The following GRAMD4 variants were observed in gnomAD, a reference collection of about 807,000 sequenced individuals.
GRAMD4 encodes the protein GRAM domain-containing protein 4.
In GRAMD4, 25 loss-of-function variants were observed where a neutral mutation model predicts 83.9. That is an observed-to-expected ratio of 0.30 (90% CI 0.22 to 0.42). The LOEUF (loss-of-function observed/expected upper bound fraction) is 0.42, where lower values mean the gene tolerates loss of function less well. Among genes scored for constraint, GRAMD4 ranks in the 10% least tolerant of loss-of-function variants. The pLI, the probability that GRAMD4 is intolerant of heterozygous loss-of-function variation, is 1.00. For missense variants in GRAMD4, 593 were observed against 788.7 expected, an observed-to-expected ratio of 0.75 and a Z score of 2.97; for synonymous variants, 336 against 320.9, an observed-to-expected ratio of 1.05 and a Z score of -0.50.
At chr22:46,664,680 CG>C (rs1368781798) in intron 8 of GRAMD4, among the ~76,000 whole-genome samples, 3 of 152,204 alleles carry the variant, frequency 2.0e-5, no homozygotes, top group Non-Finnish European at 2.9e-5. Flanking sequence ...ACTTGGTCCT[CG>C]GGGGGAGCCC....
At chr22:46,605,956 CTGGTGCTGAGCATCTCTGCATGGGCT>C (rs2081362206) in intron 1 of GRAMD4, among the ~76,000 whole-genome samples, 2 of 126,330 alleles carry the variant, frequency 1.6e-5, no homozygotes. Flanking sequence ...GGGCTTATGG[CTGGTGCTGAGCATCTCTGCATGGGCT>C]TATGGCTGGT....
At position 46,620,726 on chromosome 22, in the gene GRAMD4, C is replaced by T. The variant is rs140408073; in HGVS notation, c.-50+161C>T. ...TGAAAGGCAGGCTCCCTCCCAAGGCCGGGTGCAGGCCAGACCCCACCGGTA... is the reference window on the plus strand; with the variant it reads ...TGAAAGGCAGGCTCCCTCCCAAGGCTGGGTGCAGGCCAGACCCCACCGGTA... On this transcript the variant is annotated intron_variant, in intron 1 of 18. Coordinates refer to ENST00000406902, the MANE Select transcript of GRAMD4 (RefSeq NM_015124.5). This position sits in a 1 kb window ranked among gnomAD's most constrained non-coding sequence, Gnocchi z 4.7. 1.1e-4 allele frequency among the ~76,000 whole-genome samples: 17 copies of T among 152,128 alleles called. 1 individual carries two copies. In the East Asian group the frequency reaches 2.1e-3, roughly 19 times the overall value.
intron 16 of GRAMD4, 50 bp from the exon 17 acceptor site, chr22:46,675,418 C>T (rs752972394): frequency 4.7e-6 from 6 of 1,284,672 alleles, no homozygotes; most frequent in East Asian, 2.3e-5. Flanking sequence ...CTGGTGGGAG[C>T]GTGCTCTGGT....
rs542906561 is a variant in GRAMD4 at position 46,622,732 on chromosome 22, C to G, written c.-50+2167C>G. Among the ~76,000 whole-genome samples the G allele has an allele frequency of 6.6e-6, 1 of 151,910 alleles. No homozygotes were observed. Among genetic ancestry groups the G allele is most frequent in the African/African-American group, 2.4e-5 (1 of 41,378 alleles). ...ATTGAGACCATCCTGGCTAACATGG[C>G]GAAACTCCGTCTCTACTAAAAATAC... On this transcript the variant is annotated intron_variant, in intron 1 of 18. Coordinates refer to ENST00000406902, the MANE Select transcript of GRAMD4 (RefSeq NM_015124.5). The surrounding 1 kb of genome is among the most constrained non-coding windows in gnomAD (Gnocchi z 4.0).
At chr22:46,601,633 T>A (rs1055165824) in intron 1 of GRAMD4, among the ~76,000 whole-genome samples, 13 of 151,868 alleles carry the variant, frequency 8.6e-5, no homozygotes, top group African/African-American at 3.1e-4. Flanking sequence ...CCATCTCTAC[T>A]AAAAATAAAA....
At chr22:46,580,546 G>A (rs2147893795) in intron 1 of GRAMD4, among the ~76,000 whole-genome samples, 1 of 152,364 alleles carries the variant, frequency 6.6e-6, no homozygotes, top group East Asian at 1.9e-4. Flanking sequence ...ACCCAGCCCA[G>A]CGGGTGGGGC....
At chr22:46,676,299 C>T (rs13056978) in intron 17 of GRAMD4, among the ~76,000 whole-genome samples, 12,944 of 152,212 alleles carry the variant, frequency 0.085, 761 homozygotes, top group African/African-American at 0.17. Context: ...GCCCTGAGAG[C>T]GAGTTCTGGG....
intron 15 of GRAMD4, among the ~76,000 whole-genome samples, chr22:46,674,121 G>A (rs9615400): frequency 0.11 from 16,278 of 152,320 alleles, 986 homozygotes; most frequent in South Asian, 0.16. Context: ...CCTGCAGGGC[G>A]CTGGCAGGGG....
At chr22:46,650,888 C>T (rs915221252) in intron 3 of GRAMD4, among the ~76,000 whole-genome samples, 3 of 152,236 alleles carry the variant, frequency 2.0e-5, no homozygotes, top group Non-Finnish European at 4.4e-5. Flanking sequence ...AGCTTGACCC[C>T]TGACTGCAAG....
At chr22:46,623,698 G>A (rs1169376762) in intron 1 of GRAMD4, among the ~76,000 whole-genome samples, 1 of 151,826 alleles carries the variant, frequency 6.6e-6, no homozygotes, top group African/African-American at 2.4e-5. Context: ...GCCCGGCCTA[G>A]TTTCCTTTCT....
intron 3 of GRAMD4, among the ~76,000 whole-genome samples, chr22:46,642,964 TATCC>T (rs753919146): frequency 2.8e-4 from 38 of 136,222 alleles, no homozygotes; most frequent in East Asian, 1.4e-3. Context: ...CGCATGCATC[TATCC>T]ATCCATCCAT....
At chr22:46,617,559 G>T (rs2081521265), upstream of GRAMD4, among the ~76,000 whole-genome samples, 4 of 152,188 alleles carry the variant, frequency 2.6e-5, no homozygotes, top group African/African-American at 7.2e-5. Context: ...CTCTGTGTTG[G>T]GTCCTTAAAC....
chr22:46,674,229 C>T (rs1291286622), intron 15 of GRAMD4, among the ~76,000 whole-genome samples: 1 of 152,206 alleles, frequency 6.6e-6, no homozygotes, highest in Non-Finnish European at 1.5e-5. Context: ...AAAGGGAGGG[C>T]CTGTTAAACT....
intron 1 of GRAMD4, among the ~76,000 whole-genome samples, chr22:46,580,304 G>A (rs1175334572): frequency 6.6e-6 from 1 of 152,226 alleles, no homozygotes. Flanking sequence ...CAGTGCTTTC[G>A]AAGGCCTCTG....
At chr22:46,576,812 GT>G (rs2081045746), upstream of GRAMD4, among the ~76,000 whole-genome samples, 1 of 149,004 alleles carries the variant, frequency 6.7e-6, no homozygotes, top group Admixed American at 6.7e-5. Flanking sequence ...AGCCCGTGGC[GT>G]CCGCCGTGGC....
At position 46,623,424 on chromosome 22, in the gene GRAMD4, G is replaced by GC. The variant is rs575731167; in HGVS notation, c.-50+2865dup. ...TTTTTTTGACACAGAGTCTCACGCT[G>GC]CCCCCCAGGCTGCAGTGCAGTGGTG... On this transcript the variant is annotated intron_variant, in intron 1 of 18. Transcript: ENST00000406902. 2.7e-3 allele frequency among the ~76,000 whole-genome samples: 410 copies of GC among 152,150 alleles called. 3 individuals carry two copies. The highest frequency in any genetic ancestry group is 9.6e-3 in the African/African-American group (398 of 41,486).
In GRAMD4 at chr22:46,678,157, G is replaced by T. The variant is rs754486061; in HGVS notation, c.*906G>T. On this transcript the variant is annotated 3_prime_UTR_variant, in exon 19 of 19. Coordinates refer to ENST00000406902, the MANE Select transcript of GRAMD4 (RefSeq NM_015124.5). ...AGCACTGTGGCATGTCTGGCACATG[G>T]CCCCCAGGCTGCGGTTGCCTGGGTT... 6.7e-5 allele frequency: 66 copies of T among 985,584 alleles called. No individual in the cohort carries two copies. Among genetic ancestry groups the T allele is most frequent in the Non-Finnish European group, 8.0e-5 (66 of 830,040 alleles). 61.1% of individuals were successfully genotyped at this position (985,584 alleles called of 1,614,324 possible).
intron 13 of GRAMD4, chr22:46,670,967 C>G (rs561850658): frequency 3.1e-6 from 1 of 319,930 alleles, no homozygotes; most frequent in African/African-American, 2.2e-5. Context: ...GAGATCACCA[C>G]TGCCACTGGG....
chr22:46,624,269 A>G (rs903763714), intron 1 of GRAMD4, among the ~76,000 whole-genome samples: 1 of 135,666 alleles, frequency 7.4e-6, no homozygotes, highest in Non-Finnish European at 1.6e-5. Flanking sequence ...CCCTTAATAT[A>G]GACTCTTCCA....
Sources: gnomAD v4.1 joint callset for allele counts (sites outside exome capture counted in the v4.1 genomes callset) on GRCh38, gnomAD v4.1.1 for gene constraint, Gnocchi (gnomAD v3.1) non-coding constraint, MANE v1.5 for transcripts, NCBI Gene and HGNC (gene_info 2026-07-23, HGNC 2026-07-21) for gene names.